NRG3: variants seen among roughly 807,000 people sequenced by gnomAD.
NRG3 encodes pro-neuregulin-3, membrane-bound isoform.
NRG3 carries 31 observed loss-of-function variants against 66.9 expected under a neutral mutation model. That is an observed-to-expected ratio of 0.46 (90% CI 0.35 to 0.63). The LOEUF is 0.63. Among genes scored for constraint, NRG3 ranks in the 20% least tolerant of loss-of-function variants. The probability of loss-of-function intolerance (pLI) is 0.00; values close to 1 mark genes in which losing one functional copy is unlikely to be tolerated. For synonymous variants in NRG3, 393 were observed against 359.4 expected (o/e 1.09, Z -1.06); for missense variants, 910 against 878.9 (o/e 1.04, Z -0.45).
chr10:82,249,450 G>C (rs1367853501), intron 1 of NRG3, among the ~76,000 whole-genome samples: 2 of 152,130 alleles, frequency 1.3e-5, no homozygotes, highest in Non-Finnish European at 2.9e-5. Context: ...CCATCTTTTA[G>C]GATTTAGATG....
intron 1 of NRG3, among the ~76,000 whole-genome samples, chr10:82,053,505 C>T (rs1214412181): frequency 6.6e-6 from 1 of 152,146 alleles, no homozygotes; most frequent in East Asian, 1.9e-4. Flanking sequence ...ATCAGTTTCA[C>T]CTATATTCCA....
At chr10:82,573,423 T>C (rs887239807) in intron 2 of NRG3, among the ~76,000 whole-genome samples, 3 of 151,864 alleles carry the variant, frequency 2.0e-5, no homozygotes, top group Non-Finnish European at 4.4e-5. Context: ...GAGATATCTT[T>C]TGGCACCTGT....
intron 1 of NRG3, among the ~76,000 whole-genome samples, chr10:82,280,247 T>C (rs1589572614): frequency 6.6e-6 from 1 of 152,290 alleles, no homozygotes; most frequent in African/African-American, 2.4e-5. Flanking sequence ...ACTAACATTA[T>C]AGAGTGATAT....
At chr10:82,812,694 T>C (rs191528782) in intron 3 of NRG3, among the ~76,000 whole-genome samples, 3 of 152,318 alleles carry the variant, frequency 2.0e-5, no homozygotes, top group Admixed American at 6.5e-5. Context: ...ATAAGAGTTA[T>C]GAATGAAACA....
At chr10:82,519,781 G>T (rs1247462578) in intron 2 of NRG3, among the ~76,000 whole-genome samples, 2 of 152,188 alleles carry the variant, frequency 1.3e-5, no homozygotes, top group East Asian at 1.9e-4. Flanking sequence ...GGGGGAGAAA[G>T]ATGAGTTGAA....
At chr10:82,547,836 G>T (rs2044030467) in intron 2 of NRG3, among the ~76,000 whole-genome samples, 1 of 152,062 alleles carries the variant, frequency 6.6e-6, no homozygotes, top group Non-Finnish European at 1.5e-5. Context: ...ATCTAGCTAT[G>T]TTTAAGTATG....
intron 2 of NRG3, among the ~76,000 whole-genome samples, chr10:82,373,065 A>G (rs1892414): frequency 0.2 from 30,245 of 152,154 alleles, 3,286 homozygotes; most frequent in East Asian, 0.31. Context: ...CCTAGGTAGT[A>G]TTTCTTTTCT....
At chr10:82,735,619 A>G (rs909126967) in intron 2 of NRG3, among the ~76,000 whole-genome samples, 7 of 152,186 alleles carry the variant, frequency 4.6e-5, no homozygotes, top group African/African-American at 1.7e-4. Flanking sequence ...GACATGGATG[A>G]AGCTAGAATC....
intron 2 of NRG3, among the ~76,000 whole-genome samples, chr10:82,460,421 A>G (rs1410842286): frequency 6.6e-6 from 1 of 152,242 alleles, no homozygotes; most frequent in Non-Finnish European, 1.5e-5. Context: ...AGTGTCCCAC[A>G]TAGTAAGTAG....
chr10:82,421,406 G>A (rs891131826), intron 2 of NRG3, among the ~76,000 whole-genome samples: 45 of 151,992 alleles, frequency 3.0e-4, no homozygotes, highest in African/African-American at 1.1e-3. Flanking sequence ...TACATGGAAG[G>A]GAATAGAGAA....
chr10:82,469,337 A>T (rs1841004304), intron 2 of NRG3, among the ~76,000 whole-genome samples: 1 of 152,174 alleles, frequency 6.6e-6, no homozygotes, highest in Non-Finnish European at 1.5e-5. Context: ...AGACACAAAG[A>T]GCTCCTGGTG....
At chr10:82,236,256 C>G (rs976317563) in intron 1 of NRG3, among the ~76,000 whole-genome samples, 3 of 152,138 alleles carry the variant, frequency 2.0e-5, no homozygotes, top group Non-Finnish European at 4.4e-5. Context: ...AATGAGATAG[C>G]AAGCACAACT....
intron 3 of NRG3, among the ~76,000 whole-genome samples, chr10:82,816,245 G>A (rs1591612252): frequency 1.3e-5 from 2 of 152,170 alleles, no homozygotes; most frequent in Admixed American, 1.3e-4. Context: ...GGCGTATCCC[G>A]AGTTCTTGTC....
intron 1 of NRG3, among the ~76,000 whole-genome samples, chr10:82,180,909 T>G (rs2073373232): frequency 6.6e-6 from 1 of 151,804 alleles, no homozygotes; most frequent in Non-Finnish European, 1.5e-5. Context: ...TTTGTTGTTG[T>G]TTTTGTTTGT....
chr10:82,852,875 T>A (rs959078430), intron 3 of NRG3, among the ~76,000 whole-genome samples: 1 of 152,188 alleles, frequency 6.6e-6, no homozygotes, highest in South Asian at 2.1e-4. Flanking sequence ...AGGGTAAGAC[T>A]TTAAAATACC....
At chr10:82,075,706 A>G (rs1011723906) in intron 1 of NRG3, among the ~76,000 whole-genome samples, 3 of 151,770 alleles carry the variant, frequency 2.0e-5, no homozygotes, top group Non-Finnish European at 2.9e-5. Flanking sequence ...ATTTTTTCGA[A>G]GTGTATGCTG....
chr10:82,565,334 G>C (rs1171896323), intron 2 of NRG3, among the ~76,000 whole-genome samples: 2 of 152,096 alleles, frequency 1.3e-5, no homozygotes, highest in Non-Finnish European at 2.9e-5. Flanking sequence ...TGTACAGCCA[G>C]TTAATGACTT....
chr10:81,958,679 C>T (rs563318576), intron 1 of NRG3, among the ~76,000 whole-genome samples: 2 of 152,088 alleles, frequency 1.3e-5, no homozygotes, highest in Admixed American at 1.3e-4. Context: ...CACCTGAGGT[C>T]AGGAGTTTGA....
chr10:82,181,624 C>G (rs2073422877), intron 1 of NRG3, among the ~76,000 whole-genome samples: 1 of 151,750 alleles, frequency 6.6e-6, no homozygotes, highest in South Asian at 2.1e-4. Context: ...AGAAAACATA[C>G]TTTTGATAAG....
Sources: allele counts gnomAD v4.1 joint callset (sites outside exome capture counted in the v4.1 genomes callset), GRCh38; gene constraint gnomAD v4.1.1; transcripts MANE v1.5; gene names NCBI Gene and HGNC (gene_info 2026-07-23, HGNC 2026-07-21).